Variants in SLC15A3 observed in about 807,000 individuals in gnomAD.
SLC15A3 encodes solute carrier family 15 member 3.
SLC15A3 carries 39 observed loss-of-function variants against 49.2 expected under a neutral mutation model. That is an observed-to-expected ratio of 0.79 (90% CI 0.61 to 1.04). SLC15A3 has a LOEUF of 1.04. Ranked by LOEUF, SLC15A3 falls within the 50% of genes least tolerant of loss-of-function variation. SLC15A3 has a pLI of 0.00. For synonymous variants in SLC15A3, 339 were observed against 367.0 expected (o/e 0.92, Z 0.87); for missense variants, 758 against 794.8 (o/e 0.95, Z 0.56).
At chr11:60,948,868 A>T (rs1438059302) in intron 1 of SLC15A3, among the ~76,000 whole-genome samples, 1 of 152,182 alleles carries the variant, frequency 6.6e-6, no homozygotes, top group Non-Finnish European at 1.5e-5. Context: ...AGGGGGTACT[A>T]GATGGGTGAG....
At chr11:60,948,276 C>T (rs1268992961) in intron 1 of SLC15A3, among the ~76,000 whole-genome samples, 3 of 152,166 alleles carry the variant, frequency 2.0e-5, no homozygotes, top group African/African-American at 4.8e-5. Context: ...GACTTTCAAG[C>T]AGAAAATTGA....
chr11:60,948,295 C>T (rs1338168706), intron 1 of SLC15A3, among the ~76,000 whole-genome samples: 1 of 152,134 alleles, frequency 6.6e-6, no homozygotes, highest in Non-Finnish European at 1.5e-5. Context: ...GAATAGGTCC[C>T]ATTAGAAGCA....
At chr11:60,941,370 C>CTGGCCCTGGG in intron 4 of SLC15A3, 80 bp from the exon 5 acceptor site, 1 of 1,466,746 alleles carries the variant, frequency 6.8e-7, no homozygotes, top group Non-Finnish European at 9.2e-7. Flanking sequence ...GGACTCTAGA[C>CTGGCCCTGGG]TGGCCCTGGG....
chr11:60,950,462 A>C (rs956548258), intron 1 of SLC15A3, among the ~76,000 whole-genome samples: 1 of 152,204 alleles, frequency 6.6e-6, no homozygotes, highest in East Asian at 1.9e-4. Flanking sequence ...AAACAGTGAA[A>C]GTGCTTAGCA....
intron 6 of SLC15A3, 58 bp downstream of exon 6, chr11:60,939,422 G>A: frequency 1.2e-5 from 19 of 1,591,216 alleles, no homozygotes; most frequent in Non-Finnish European, 1.5e-5. Flanking sequence ...CTGACTTTGA[G>A]GTGCCACCGG....
chr11:60,938,082 C>T (rs1856650777), intron 6 of SLC15A3, 57 bp from the exon 7 acceptor site: 1 of 1,566,212 alleles, frequency 6.4e-7, no homozygotes, highest in Non-Finnish European at 8.7e-7. Flanking sequence ...GAGAACAGGC[C>T]CAGGCCCCTG....
chr11:60,946,335 C>A (rs1856800050), intron 2 of SLC15A3, among the ~76,000 whole-genome samples, 197 bp downstream of exon 2: 1 of 151,880 alleles, frequency 6.6e-6, no homozygotes, highest in Non-Finnish European at 1.5e-5. Context: ...CCAATAATAC[C>A]ACCACCACTA....
chr11:60,937,449 C>T (rs1160073636), intron 7 of SLC15A3, 76 bp from the exon 8 acceptor site: 4 of 1,588,418 alleles, frequency 2.5e-6, no homozygotes, highest in Non-Finnish European at 3.4e-6. Context: ...CGTGTCCTAG[C>T]CCTGGGGCTG....
At chr11:60,949,517 A>AAAGG (rs1856867520) in intron 1 of SLC15A3, among the ~76,000 whole-genome samples, 1 of 72,044 alleles carries the variant, frequency 1.4e-5, no homozygotes, top group South Asian at 8.6e-4. Context: ...AGAAAGAAAG[A>AAAGG]AAGAAAGAAA....
intron 5 of SLC15A3, chr11:60,940,914 C>T (rs963573878): frequency 8.7e-5 from 40 of 461,922 alleles, no homozygotes; most frequent in African/African-American, 3.2e-4. Flanking sequence ...GTTCCTCTCT[C>T]GGCCTGAGTT....
rs777350641 is a variant in SLC15A3, at chr11:60,937,368, T to A, written c.1597A>T (p.Ile533Phe). 1.2e-6 allele frequency: 2 copies of A among 1,614,080 alleles called. No homozygotes were observed. Among genetic ancestry groups the A allele is most frequent in the Non-Finnish European group, 1.7e-6 (2 of 1,179,996 alleles). The change falls in exon 8 of 8, where the codon ATC becomes TTC. Residue 533 changes from isoleucine (I) to phenylalanine (F), a missense_variant. By Grantham distance (21) the Ile-to-Phe change is conservative. Coordinates refer to ENST00000227880, the MANE Select transcript of SLC15A3 (RefSeq NM_016582.3). ...WLHCPKDFGN[I>F]NNCRMDLYFF... is the part of the protein sequence containing the mutation. ...TAGAGGTCCATCCGGCAATTGTTGA[T>A]GTTCCCTGGGGAAAGGAGGGGTTAG...
chr11:60,946,866 G>A (rs773005748), intron 1 of SLC15A3, 45 bp from the exon 2 acceptor site: 2 of 1,570,694 alleles, frequency 1.3e-6, no homozygotes, highest in East Asian at 4.5e-5. Context: ...AGGGGTCCGG[G>A]GCACTCTCTG....
rs952799227 is a variant in SLC15A3, at chr11:60,943,916, G to A, written c.849-80C>T. ...CTTATGCCTGTAATCCCAGCACTTT[G>A]GGAGGCTGAGGCGGGTGGATCACCT... On this transcript the variant is annotated intron_variant, in intron 2 of 7. Transcript: ENST00000227880. 2.3e-6 allele frequency: 3 copies of A among 1,322,652 alleles called. No individual in the cohort carries two copies. In the African/African-American group the frequency reaches 4.5e-5, roughly 20 times the overall value. The allele number at this position is 1,322,652 out of a possible 1,614,324, so 81.9% of individuals were successfully genotyped here. A position where few individuals can be genotyped will look rare whatever the true frequency, so the allele number is the denominator to read the frequency against.
At chr11:60,943,973 G>A in intron 2 of SLC15A3, 137 bp from the exon 3 acceptor site, 3 of 846,174 alleles carry the variant, frequency 3.5e-6, no homozygotes, top group Non-Finnish European at 5.0e-6. Context: ...GCCTGGCCAA[G>A]ATGATGAAAC....
rs771805907 is a variant in SLC15A3 at position 60,951,191 on chromosome 11, T to G, written c.361A>C (p.Thr121Pro). ...GAGCTGCGGCCGTCGGGGAAGGCGGTGGCGGGCAGCAGGCCCGAGGCGGCC... is the reference window on the plus strand; with the variant it reads ...GAGCTGCGGCCGTCGGGGAAGGCGGGGGCGGGCAGCAGGCCCGAGGCGGCC... ...YLAASGLLPA[T>P]AFPDGRSSFC... Residue 121 changes from threonine to proline, a missense_variant, in exon 1 of 8, where the codon ACC becomes CCC. By Grantham distance (38) the Thr-to-Pro change is conservative (BLOSUM62 -1). Around this residue, in one of 3 missense-constraint regions of SLC15A3, gnomAD observed 699 missense variants for 706.7 expected, o/e 0.99. Coordinates refer to ENST00000227880, the MANE Select transcript of SLC15A3 (RefSeq NM_016582.3). 24 of 1,497,792 alleles carry G rather than the reference T, an allele frequency of 1.6e-5. No individual in the cohort carries two copies. Among genetic ancestry groups the G allele is most frequent in the Non-Finnish European group, 1.5e-5 (17 of 1,131,176 alleles). The allele number at this position is 1,497,792 out of a possible 1,614,324, so 92.8% of individuals were successfully genotyped here.
intron 4 of SLC15A3, chr11:60,941,666 G>A (rs1311027445): frequency 3.1e-6 from 1 of 320,830 alleles, no homozygotes; most frequent in Non-Finnish European, 5.8e-6. Context: ...CCAAGGAACT[G>A]GTTTAGAAAG....
At chr11:60,943,515 T>C (rs1318863884) in intron 3 of SLC15A3, 174 bp downstream of exon 3, 1 of 567,954 alleles carries the variant, frequency 1.8e-6, no homozygotes, top group African/African-American at 2.0e-5. Context: ...GGGAGTTGGA[T>C]TGCTGAGACG....
chr11:60,939,784 G>T (rs574399210), intron 5 of SLC15A3, 146 bp from the exon 6 acceptor site: 5 of 916,370 alleles, frequency 5.5e-6, no homozygotes, highest in African/African-American at 5.0e-5. Flanking sequence ...GGACTGGGGG[G>T]TGGAGGAGGG....
chr11:60,951,209 A>C lies in SLC15A3; in HGVS notation c.343T>G (p.Ser115Ala), dbSNP rs1856914017. Residue 115 changes from serine to alanine, a missense_variant, in exon 1 of 8, where the codon TCG (serine) becomes GCG (alanine). By Grantham distance (99) the Ser-to-Ala change is moderately conservative. Coordinates refer to ENST00000227880, the MANE Select transcript of SLC15A3 (RefSeq NM_016582.3). ...AAGGCGGTGGCGGGCAGCAGGCCCG[A>C]GGCGGCCAGGTAGAGCAGCAGGCTG... ...ALSLLLYLAA[S>A]GLLPATAFPD... 5 of 1,503,434 alleles carry C rather than the reference A, an allele frequency of 3.3e-6. No individual in the cohort carries two copies. The East Asian group carries it at 1.4e-4, about 41-fold the overall frequency. The allele number at this position is 1,503,434 out of a possible 1,614,324, so 93.1% of individuals were successfully genotyped here.
Sources: allele counts gnomAD v4.1 joint callset (sites outside exome capture counted in the v4.1 genomes callset), GRCh38; gene constraint gnomAD v4.1.1; regional missense constraint gnomAD v4.1.1; transcripts MANE v1.5; gene names NCBI Gene and HGNC (gene_info 2026-07-23, HGNC 2026-07-21).